LARGE1: variants seen among roughly 807,000 people sequenced by gnomAD.
The protein encoded by LARGE1 is LARGE xylosyl- and glucuronyltransferase 1.
LARGE1 carries 43 observed loss-of-function variants against 87.6 expected under a neutral mutation model. The ratio of observed to expected loss-of-function variants is 0.49; its 90% CI spans 0.38 to 0.63. LARGE1 has a LOEUF of 0.63. LARGE1 is among the 30% of genes least tolerant of loss of function. The probability of loss-of-function intolerance (pLI) is 0.00; values close to 1 mark genes in which losing one functional copy is unlikely to be tolerated. For missense variants in LARGE1, 802 were observed against 1,000.2 expected, an observed-to-expected ratio of 0.80 and a Z score of 2.67; for synonymous variants, 434 against 394.6, an observed-to-expected ratio of 1.10 and a Z score of -1.18.
the LARGE1 span, among the ~76,000 whole-genome samples, chr22:33,078,744 T>A: frequency 6.6e-6 from 1 of 152,216 alleles, no homozygotes; most frequent in Admixed American, 6.5e-5. Flanking sequence ...ATTATTAAGA[T>A]GTAGTCTCTT....
At chr22:33,614,674 C>T (rs1340783281) in intron 4 of LARGE1, among the ~76,000 whole-genome samples, 18 of 152,150 alleles carry the variant, frequency 1.2e-4, no homozygotes, top group Non-Finnish European at 1.8e-4. Context: ...CCCCATCCAA[C>T]GCAGCCCCAT....
In LARGE1 at chr22:33,285,960, C is replaced by T. The variant is rs547390093; in HGVS notation, c.1731-2612G>A. On this transcript the variant is annotated intron_variant, in intron 12 of 14. Transcript: ENST00000397394. ...GTAGAGAGGGGGTGGTTGGGATGGGCTGGAAGTTCATTTTGGAACCCTCTG... is the reference window on the plus strand; with the variant it reads ...GTAGAGAGGGGGTGGTTGGGATGGGTTGGAAGTTCATTTTGGAACCCTCTG... Among the ~76,000 whole-genome samples the T allele has an allele frequency of 7.9e-5, 12 of 152,278 alleles. No individual in the cohort carries two copies. The East Asian group carries it at 1.5e-3, about 20-fold the overall frequency.
chr22:33,921,162 G>A (rs1488185467), upstream of LARGE1, among the ~76,000 whole-genome samples: 1 of 151,818 alleles, frequency 6.6e-6, no homozygotes, highest in East Asian at 2.0e-4. This position sits in a 1 kb window ranked among gnomAD's most constrained non-coding sequence, Gnocchi z 4.1. Context: ...CGCGGACCGA[G>A]AGTTCGCCCC....
chr22:33,738,920 C>T (rs1272695969), intron 2 of LARGE1, among the ~76,000 whole-genome samples: 1 of 150,906 alleles, frequency 6.6e-6, no homozygotes, highest in Admixed American at 6.6e-5. Flanking sequence ...ATGTATGTCC[C>T]TATCCCCCCC....
At position 33,679,431 on chromosome 22, in the gene LARGE1, T is replaced by C. The variant is rs564603998; in HGVS notation, c.107-28763A>G. 9.9e-5 allele frequency among the ~76,000 whole-genome samples: 15 copies of C among 151,920 alleles called. 1 individual carries two copies. In the East Asian group the frequency reaches 2.1e-3, roughly 22 times the overall value. On this transcript the variant is annotated intron_variant, in intron 2 of 14. Coordinates refer to ENST00000397394, the MANE Select transcript of LARGE1 (RefSeq NM_133642.5). Reference sequence around the variant, plus strand: ...CACGAATCCATTATAACCAATGTTCTTATATAAAGGGGAAATTTGGGGACA... The same window carrying C: ...CACGAATCCATTATAACCAATGTTCCTATATAAAGGGGAAATTTGGGGACA...
chr22:33,303,480 C>G (rs1288537057), intron 12 of LARGE1, among the ~76,000 whole-genome samples: 1 of 152,184 alleles, frequency 6.6e-6, no homozygotes, highest in Non-Finnish European at 1.5e-5. Flanking sequence ...CAGAACAGTG[C>G]CTGGCGCGCA....
intron 6 of LARGE1, among the ~76,000 whole-genome samples, chr22:33,465,735 C>G (rs9621703): frequency 0.02 from 3,111 of 152,298 alleles, 101 homozygotes; most frequent in African/African-American, 0.071. Flanking sequence ...ACAAAGTGCA[C>G]TGCTGATGTG....
At chr22:33,579,505 C>T (rs543358191) in intron 5 of LARGE1, among the ~76,000 whole-genome samples, 17 of 152,294 alleles carry the variant, frequency 1.1e-4, no homozygotes, top group East Asian at 3.9e-4. Flanking sequence ...TTGTACATTA[C>T]GGAGGGTCCT....
chr22:33,496,539 G>C (rs2070127587), intron 6 of LARGE1, among the ~76,000 whole-genome samples: 1 of 152,078 alleles, frequency 6.6e-6, no homozygotes, highest in Admixed American at 6.5e-5. Flanking sequence ...AGCTGAGTCT[G>C]CCAGCAACTT....
At chr22:33,476,150 G>A (rs1406071721) in intron 6 of LARGE1, among the ~76,000 whole-genome samples, 1 of 152,214 alleles carries the variant, frequency 6.6e-6, no homozygotes, top group Non-Finnish European at 1.5e-5. Flanking sequence ...ACCTGGCAAT[G>A]TAAATTGATA....
chr22:33,359,909 T>A (rs1042660016), intron 9 of LARGE1, among the ~76,000 whole-genome samples: 1 of 149,008 alleles, frequency 6.7e-6, no homozygotes, highest in African/African-American at 2.5e-5. Context: ...AATCTAGGAG[T>A]GGCCAACCCA....
chr22:33,272,491 T>C (rs768458922), downstream of LARGE1, among the ~76,000 whole-genome samples: 2 of 152,158 alleles, frequency 1.3e-5, no homozygotes, highest in East Asian at 1.9e-4. Context: ...ACTGAACAAA[T>C]TGGACTTTGA....
chr22:33,453,411 T>C (rs1214355512), intron 6 of LARGE1, among the ~76,000 whole-genome samples: 2 of 149,126 alleles, frequency 1.3e-5, no homozygotes, highest in East Asian at 2.0e-4. Flanking sequence ...CGAGACTCCA[T>C]CTCAAAAAAA....
At chr22:33,783,175 T>A in intron 1 of LARGE1, among the ~76,000 whole-genome samples, 1 of 151,974 alleles carries the variant, frequency 6.6e-6, no homozygotes, top group East Asian at 1.9e-4. Flanking sequence ...GTTAATCCAC[T>A]GGATCTGTTT....
In LARGE1 at chr22:33,838,003, T is replaced by G. The variant is rs181249906; in HGVS notation, c.-82-76445A>C. On this transcript the variant is annotated intron_variant, in intron 1 of 14. Coordinates refer to ENST00000397394, the MANE Select transcript of LARGE1 (RefSeq NM_133642.5). The stretch of plus-strand genomic sequence containing the variant: ...CTCTGGCAACTCGCAATCACTGTAG[T>G]AGGAAAGCAACCACAGATAAGAGGA... 5.4e-4 allele frequency among the ~76,000 whole-genome samples: 82 copies of G among 152,290 alleles called. 1 individual carries two copies. In the East Asian group the frequency reaches 0.012, roughly 23 times the overall value.
At chr22:33,625,139 C>G (rs1192238938) in intron 4 of LARGE1, among the ~76,000 whole-genome samples, 1 of 152,188 alleles carries the variant, frequency 6.6e-6, no homozygotes, top group Non-Finnish European at 1.5e-5. Flanking sequence ...GGAGAGCCTC[C>G]TGGATCCTGA....
chr22:33,595,838 A>G (rs528500648), intron 5 of LARGE1, among the ~76,000 whole-genome samples: 1 of 152,214 alleles, frequency 6.6e-6, no homozygotes, highest in South Asian at 2.1e-4. Flanking sequence ...TCTAGTAGAG[A>G]AGGCAGATGA....
chr22:33,083,403 T>A, the LARGE1 span, among the ~76,000 whole-genome samples: 1 of 152,236 alleles, frequency 6.6e-6, no homozygotes, highest in Admixed American at 6.5e-5. Context: ...TCCAAGTAAT[T>A]ACAGAGTGCA....
At chr22:33,082,379 C>T in the LARGE1 span, among the ~76,000 whole-genome samples, 1 of 152,190 alleles carries the variant, frequency 6.6e-6, no homozygotes, top group African/African-American at 2.4e-5. Context: ...TGCTGATCAT[C>T]TTCTTTCTTA....
Sources: allele counts gnomAD v4.1 joint callset (sites outside exome capture counted in the v4.1 genomes callset), GRCh38; gene constraint gnomAD v4.1.1; non-coding constraint Gnocchi (gnomAD v3.1); transcripts MANE v1.5; gene names NCBI Gene and HGNC (gene_info 2026-07-23, HGNC 2026-07-21).